Variants in RSRC1 observed in about 807,000 individuals in gnomAD.
RSRC1 encodes the protein arginine and serine rich coiled-coil 1.
A neutral mutation model predicts 49.1 loss-of-function variants in RSRC1; 39 were observed. The ratio of observed to expected loss-of-function variants is 0.79; its 90% CI spans 0.61 to 1.04. The LOEUF (loss-of-function observed/expected upper bound fraction) is 1.04, where lower values mean the gene tolerates loss of function less well. RSRC1 is among the 50% of genes least tolerant of loss of function. The probability of loss-of-function intolerance (pLI) is 0.00; values close to 1 mark genes in which losing one functional copy is unlikely to be tolerated. For missense variants in RSRC1, 388 were observed against 402.4 expected, an observed-to-expected ratio of 0.96 and a Z score of 0.31; for synonymous variants, 143 against 130.8, an observed-to-expected ratio of 1.09 and a Z score of -0.63.
chr3:158,532,357 G>C (rs907044087), intron 7 of RSRC1, among the ~76,000 whole-genome samples: 7 of 151,772 alleles, frequency 4.6e-5, no homozygotes, highest in African/African-American at 1.7e-4. Context: ...GTTTATGTTT[G>C]TAATCTACAA....
At chr3:158,525,289 A>G (rs1711940614) in intron 7 of RSRC1, among the ~76,000 whole-genome samples, 1 of 151,996 alleles carries the variant, frequency 6.6e-6, no homozygotes, top group African/African-American at 2.4e-5. Context: ...ATGGCCAATA[A>G]TCTTATGAAG....
chr3:158,251,842 C>G (rs1724224281), intron 4 of RSRC1, among the ~76,000 whole-genome samples: 1 of 152,148 alleles, frequency 6.6e-6, no homozygotes. Context: ...GCTAAGACTT[C>G]TATAATTCTG....
At chr3:158,214,307 T>G (rs1381971561) in intron 4 of RSRC1, among the ~76,000 whole-genome samples, 1 of 151,836 alleles carries the variant, frequency 6.6e-6, no homozygotes, top group African/African-American at 2.4e-5. Context: ...AGTATCTTTT[T>G]AAAATTTTTG....
chr3:158,269,022 A>G (rs988735395), intron 4 of RSRC1, among the ~76,000 whole-genome samples: 1 of 152,186 alleles, frequency 6.6e-6, no homozygotes, highest in Admixed American at 6.5e-5. Context: ...ATAACCTTAA[A>G]GTTTTGCTAC....
intron 3 of RSRC1, among the ~76,000 whole-genome samples, chr3:158,175,953 C>T (rs963282336): frequency 3.9e-5 from 6 of 152,012 alleles, no homozygotes; most frequent in African/African-American, 7.2e-5. Flanking sequence ...ATGAGGTTCT[C>T]GTGCCATGGT....
intron 6 of RSRC1, among the ~76,000 whole-genome samples, chr3:158,427,647 A>G (rs369599909): frequency 2.6e-5 from 4 of 151,946 alleles, no homozygotes. Flanking sequence ...AATTTAGTGT[A>G]TATGAATTTT....
intron 5 of RSRC1, among the ~76,000 whole-genome samples, chr3:158,309,864 T>G (rs1388534019): frequency 6.6e-6 from 1 of 151,734 alleles, no homozygotes; most frequent in African/African-American, 2.4e-5. Context: ...AGGTTACTAT[T>G]AAGTTCATGT....
intron 6 of RSRC1, among the ~76,000 whole-genome samples, chr3:158,398,335 A>G (rs974622375): frequency 1.3e-5 from 2 of 151,996 alleles, no homozygotes; most frequent in Non-Finnish European, 2.9e-5. Flanking sequence ...GAGGGCCAGG[A>G]GGCTAGAAGT....
intron 6 of RSRC1, among the ~76,000 whole-genome samples, chr3:158,431,322 A>T (rs993722473): frequency 6.6e-6 from 1 of 151,906 alleles, no homozygotes; most frequent in Non-Finnish European, 1.5e-5. Flanking sequence ...AACAGCTAAC[A>T]TAAATTTTCT....
intron 4 of RSRC1, among the ~76,000 whole-genome samples, chr3:158,281,989 C>T (rs1726205351): frequency 6.6e-6 from 1 of 152,154 alleles, no homozygotes; most frequent in Non-Finnish European, 1.5e-5. Flanking sequence ...CCTGGCAGGC[C>T]TCATGGAAGA....
intron 4 of RSRC1, among the ~76,000 whole-genome samples, chr3:158,254,887 T>C (rs1198913754): frequency 3.3e-5 from 5 of 152,204 alleles, no homozygotes; most frequent in African/African-American, 1.2e-4. Flanking sequence ...TGTCTATTCA[T>C]ATCCTCTACC....
intron 5 of RSRC1, among the ~76,000 whole-genome samples, chr3:158,318,354 T>C (rs1024041443): frequency 6.6e-6 from 1 of 152,206 alleles, no homozygotes; most frequent in Non-Finnish European, 1.5e-5. Context: ...CTGGGCAATA[T>C]GGTGAAACCC....
intron 6 of RSRC1, among the ~76,000 whole-genome samples, chr3:158,412,438 A>C (rs1202885966): frequency 1.3e-5 from 2 of 152,246 alleles, no homozygotes; most frequent in East Asian, 3.9e-4. Context: ...ACTCACTTCA[A>C]GTGTCACCTT....
In RSRC1 at chr3:158,477,798, T is replaced by TATATATATA. The variant is rs1738432613; in HGVS notation, c.652+16795_652+16796insATATATATA. Among the ~76,000 whole-genome samples, 98 of 89,768 alleles carry TATATATATA rather than the reference T, an allele frequency of 1.1e-3. 4 individuals carry two copies. The highest frequency in any genetic ancestry group is 4.2e-3 in the African/African-American group (90 of 21,646). The allele number at this position is 89,768 out of a possible 152,430, so 58.9% of individuals were successfully genotyped here. On this transcript the variant is annotated intron_variant, in intron 7 of 9. Coordinates refer to ENST00000611884, the MANE Select transcript of RSRC1 (RefSeq NM_001271838.2). Reference sequence around the variant, plus strand: ...TGATGGGATAGGTTGCGGGAGGGATTTATATATATATATATATATATATAT... The same window carrying TATATATATA: ...TGATGGGATAGGTTGCGGGAGGGATTATATATATATATATATATATATATATATATATAT...
rs193235880 is a variant in RSRC1 at position 158,337,450 on chromosome 3, C to T, written c.532-17407C>T. ...GAGCTGCTCTGAAATGCTGTGTGGG[C>T]GCATGGCCCTTGCTTCTTAATGCTG... is the stretch of plus-strand genomic sequence containing the variant. On this transcript the variant is annotated intron_variant, in intron 5 of 9. Transcript: ENST00000611884. Among the ~76,000 whole-genome samples the T allele has an allele frequency of 7.2e-4, 109 of 152,266 alleles. 2 individuals carry two copies. In the South Asian group the frequency reaches 0.02, roughly 28 times the overall value.
chr3:158,277,486 A>G (rs1445060330), intron 4 of RSRC1, among the ~76,000 whole-genome samples: 1 of 152,182 alleles, frequency 6.6e-6, no homozygotes, highest in Non-Finnish European at 1.5e-5. Context: ...AAGCTCCTCA[A>G]TTGTGCAGTT....
chr3:158,113,260 C>T (rs1221531997), intron 1 of RSRC1, among the ~76,000 whole-genome samples: 1 of 152,170 alleles, frequency 6.6e-6, no homozygotes, highest in Non-Finnish European at 1.5e-5. Flanking sequence ...TGGACAATGC[C>T]TGTGACATCA....
intron 7 of RSRC1, among the ~76,000 whole-genome samples, chr3:158,470,386 A>C (rs978996560): frequency 6.7e-6 from 1 of 149,868 alleles, no homozygotes; most frequent in Admixed American, 6.7e-5. Context: ...ATATAAAACC[A>C]TCTTCAGTGT....
intron 4 of RSRC1, among the ~76,000 whole-genome samples, chr3:158,245,074 T>C (rs985166949): frequency 7.0e-6 from 1 of 143,122 alleles, no homozygotes; most frequent in Non-Finnish European, 1.6e-5. Flanking sequence ...TGTGTTCTGC[T>C]AGCTTTGGGG....
Sources: gnomAD v4.1 joint callset for allele counts (sites outside exome capture counted in the v4.1 genomes callset) on GRCh38, gnomAD v4.1.1 for gene constraint, MANE v1.5 for transcripts, NCBI Gene and HGNC (gene_info 2026-07-23, HGNC 2026-07-21) for gene names.